ANKRD12: variants seen among roughly 807,000 people sequenced by gnomAD.
The protein encoded by ANKRD12 is ankyrin repeat domain 12.
In ANKRD12, 85 loss-of-function variants were observed where a neutral mutation model predicts 183.4. That is an observed-to-expected ratio of 0.46 (90% CI 0.39 to 0.56). The LOEUF is 0.56. Ranked by LOEUF, ANKRD12 falls within the 20% of genes least tolerant of loss-of-function variation. The pLI is 0.00. For missense variants in ANKRD12, 2,405 were observed against 2,357.1 expected, an observed-to-expected ratio of 1.02 and a Z score of -0.42; for synonymous variants, 914 against 800.2, an observed-to-expected ratio of 1.14 and a Z score of -2.40.
At chr18:9,184,314 A>G (rs1274362838) in intron 2 of ANKRD12, among the ~76,000 whole-genome samples, 1 of 152,144 alleles carries the variant, frequency 6.6e-6, no homozygotes, top group Non-Finnish European at 1.5e-5. Context: ...TTTCCTTAGT[A>G]CTTACTATAA....
intron 8 of ANKRD12, chr18:9,235,503 T>G (rs1169365650): frequency 3.7e-6 from 1 of 270,338 alleles, no homozygotes; most frequent in African/African-American, 2.2e-5. Context: ...CTCTAAGCAT[T>G]GAATATCAAC....
intron 1 of ANKRD12, among the ~76,000 whole-genome samples, chr18:9,157,174 C>G (rs1349668041): frequency 6.6e-6 from 1 of 152,168 alleles, no homozygotes; most frequent in African/African-American, 2.4e-5. Flanking sequence ...GTTAAAAATG[C>G]ATTAATACAC....
chr18:9,267,063 C>A (rs1321738176), intron 10 of ANKRD12, among the ~76,000 whole-genome samples: 1 of 152,190 alleles, frequency 6.6e-6, no homozygotes, highest in Non-Finnish European at 1.5e-5. Flanking sequence ...ACAAGAAGAG[C>A]TAACTATCCT....
intron 8 of ANKRD12, among the ~76,000 whole-genome samples, chr18:9,246,919 T>C (rs1404214773): frequency 6.6e-6 from 1 of 152,162 alleles, no homozygotes; most frequent in Non-Finnish European, 1.5e-5. Flanking sequence ...CTAGGGCTAA[T>C]GCCAGAACCG....
chr18:9,275,561 G>A lies in ANKRD12; in HGVS notation c.5801G>A (p.Arg1934Gln), dbSNP rs1246877480. The A allele has an allele frequency of 6.2e-7, 1 of 1,610,164 alleles. No homozygotes were observed. Among genetic ancestry groups the A allele is most frequent in the South Asian group, 1.1e-5 (1 of 90,638 alleles). The change falls in exon 11 of 13, where the codon CGA (arginine) becomes CAA (glutamine). Residue 1934 changes from arginine to glutamine, a missense_variant. Arg to Gln is a conservative substitution (Grantham distance 43). Transcript: ENST00000262126. ...LIVSNEQEVL[R>Q]VHYRAARTLA... ...GTATCCAACGAACAAGAAGTTTTGC[G>A]AGTTCATTACAGAGCTGCAAGAACA...
chr18:9,210,328 G>A (rs188013359), intron 5 of ANKRD12, among the ~76,000 whole-genome samples: 58 of 152,258 alleles, frequency 3.8e-4, no homozygotes, highest in African/African-American at 1.3e-3. Context: ...AGTCTTCTAA[G>A]CAGTGATGAG....
intron 2 of ANKRD12, among the ~76,000 whole-genome samples, chr18:9,186,690 G>C (rs148110257): frequency 6.6e-6 from 1 of 151,246 alleles, no homozygotes; most frequent in African/African-American, 2.4e-5. Context: ...GTTGGGGTAG[G>C]GGGTAGAAGG....
chr18:9,265,061 G>C (rs878961454), intron 10 of ANKRD12, among the ~76,000 whole-genome samples: 1 of 151,696 alleles, frequency 6.6e-6, no homozygotes. Flanking sequence ...ACCGCAAGGC[G>C]GGAGCGAGGC....
At chr18:9,235,618 CT>C in intron 8 of ANKRD12, 1 of 456,134 alleles carries the variant, frequency 2.2e-6, no homozygotes, top group Non-Finnish European at 4.4e-6. Context: ...GGGATCAAAC[CT>C]TAGTCTCTTC....
At chr18:9,234,642 G>A (rs1342808586) in intron 8 of ANKRD12, among the ~76,000 whole-genome samples, 2 of 152,226 alleles carry the variant, frequency 1.3e-5, no homozygotes, top group Non-Finnish European at 2.9e-5. Flanking sequence ...TGGAGATATG[G>A]GGGCTATGGT....
intron 8 of ANKRD12, among the ~76,000 whole-genome samples, chr18:9,238,258 G>C (rs966287292): frequency 6.6e-6 from 1 of 152,108 alleles, no homozygotes; most frequent in African/African-American, 2.4e-5. Flanking sequence ...GTTTTCTCAA[G>C]ATTTTTACTT....
At chr18:9,212,596 T>G (rs1369505008) in intron 6 of ANKRD12, among the ~76,000 whole-genome samples, 1 of 151,938 alleles carries the variant, frequency 6.6e-6, no homozygotes, top group Non-Finnish European at 1.5e-5. Flanking sequence ...AGAAACATCT[T>G]TGTGTATATT....
chr18:9,184,611 G>A (rs11875086), intron 2 of ANKRD12, among the ~76,000 whole-genome samples: 16,705 of 152,082 alleles, frequency 0.11, 1,087 homozygotes, highest in African/African-American at 0.16. Flanking sequence ...CCTCAAGTGA[G>A]CCACCTGCCT....
intron 1 of ANKRD12, among the ~76,000 whole-genome samples, chr18:9,162,839 T>G (rs1033561113): frequency 1.3e-5 from 2 of 152,160 alleles, no homozygotes; most frequent in African/African-American, 4.8e-5. Flanking sequence ...CTGCATGAAT[T>G]CTTTTCTCGA....
intron 6 of ANKRD12, among the ~76,000 whole-genome samples, chr18:9,216,188 C>G (rs2036093699): frequency 6.6e-6 from 1 of 151,898 alleles, no homozygotes; most frequent in African/African-American, 2.4e-5. Context: ...CCAAATATGC[C>G]TGCCTCTCCC....
chr18:9,162,677 A>G (rs995029577), intron 1 of ANKRD12, among the ~76,000 whole-genome samples: 1 of 152,224 alleles, frequency 6.6e-6, no homozygotes, highest in African/African-American at 2.4e-5. Flanking sequence ...CTAACAGTGT[A>G]AAAGCATTTC....
intron 3 of ANKRD12, among the ~76,000 whole-genome samples, chr18:9,203,941 A>G (rs1372989791): frequency 6.6e-6 from 1 of 152,116 alleles, no homozygotes; most frequent in Non-Finnish European, 1.5e-5. Flanking sequence ...CTTTGTTTTG[A>G]TTTAGGTTAC....
At chr18:9,167,235 T>G (rs2032173717) in intron 1 of ANKRD12, among the ~76,000 whole-genome samples, 1 of 148,208 alleles carries the variant, frequency 6.7e-6, no homozygotes, top group Non-Finnish European at 1.5e-5. Flanking sequence ...TTAAAGTAGT[T>G]TTTTCCAATT....
At chr18:9,210,002 T>C (rs2035701734) in intron 5 of ANKRD12, among the ~76,000 whole-genome samples, 1 of 152,090 alleles carries the variant, frequency 6.6e-6, no homozygotes, top group African/African-American at 2.4e-5. Context: ...TTGTTATGGG[T>C]TAATTTTTTT....
Sources: gnomAD v4.1 joint callset for allele counts (sites outside exome capture counted in the v4.1 genomes callset) on GRCh38, gnomAD v4.1.1 for gene constraint, MANE v1.5 for transcripts, NCBI Gene and HGNC (gene_info 2026-07-23, HGNC 2026-07-21) for gene names.